ARHGAP32: variants seen among roughly 807,000 people sequenced by gnomAD.
ARHGAP32 encodes the protein Rho GTPase activating protein 32.
In ARHGAP32, 51 loss-of-function variants were observed where a neutral mutation model predicts 186.5. That is an observed-to-expected ratio of 0.27 (90% confidence interval 0.22 to 0.35). ARHGAP32 has a LOEUF of 0.35. Ranked by LOEUF, ARHGAP32 falls within the 10% of genes least tolerant of loss-of-function variation. The pLI is 1.00. For synonymous variants in ARHGAP32, 950 were observed against 964.3 expected (o/e 0.99, Z 0.27); for missense variants, 2,186 against 2,623.5 (o/e 0.83, Z 3.64).
At chr11:128,985,121 G>C (rs928787930) in intron 15 of ARHGAP32, among the ~76,000 whole-genome samples, 11 of 152,118 alleles carry the variant, frequency 7.2e-5, no homozygotes, top group Non-Finnish European at 1.3e-4. Flanking sequence ...CCAAGTTCAA[G>C]TGATTCTCCT....
chr11:129,086,125 C>T (rs1941385975), intron 6 of ARHGAP32, among the ~76,000 whole-genome samples: 1 of 151,572 alleles, frequency 6.6e-6, no homozygotes, highest in African/African-American at 2.4e-5. Flanking sequence ...CAGAAACAGA[C>T]CCATATAAAA....
intron 10 of ARHGAP32, among the ~76,000 whole-genome samples, chr11:129,055,162 T>G (rs1289896934): frequency 6.6e-6 from 1 of 152,228 alleles, no homozygotes; most frequent in East Asian, 1.9e-4. Flanking sequence ...AAAGAATTAC[T>G]GGTAACAAAA....
chr11:128,972,879 G>T lies in ARHGAP32; in HGVS notation c.3627C>A (p.Val1209=). The change falls in exon 22 of 23, where the codon GTC becomes GTA. Residue 1209 remains valine, a synonymous_variant. Coordinates refer to ENST00000682385, the MANE Select transcript of ARHGAP32 (RefSeq NM_001378024.1). The part of the protein sequence containing the change: ...DQSGKNSMPT[V]SFLDQDQSPP... Reference sequence around the variant, plus strand: ...GAGACTGGTCCTGATCCAAGAAGGAGACAGTTGGCATACTGTTCTTCCCAG... The same window carrying T: ...GAGACTGGTCCTGATCCAAGAAGGATACAGTTGGCATACTGTTCTTCCCAG... 6.2e-7 allele frequency: 1 copy of T among 1,613,996 alleles called. No homozygotes were observed. The highest frequency in any genetic ancestry group is 1.1e-5 in the South Asian group (1 of 91,070).
intron 2 of ARHGAP32, among the ~76,000 whole-genome samples, chr11:129,131,004 G>A (rs1031933548): frequency 2.0e-5 from 3 of 151,884 alleles, no homozygotes; most frequent in Non-Finnish European, 4.4e-5. Context: ...TTCTGTGATC[G>A]AAAAATAATT....
intron 10 of ARHGAP32, among the ~76,000 whole-genome samples, chr11:129,046,931 T>C (rs1468349352): frequency 6.6e-6 from 1 of 152,020 alleles, no homozygotes; most frequent in Non-Finnish European, 1.5e-5. Flanking sequence ...AAGACCATCC[T>C]GGCTAAAATG....
At chr11:129,241,567 C>G (rs1436537318) in intron 1 of ARHGAP32, among the ~76,000 whole-genome samples, 1 of 151,996 alleles carries the variant, frequency 6.6e-6, no homozygotes, top group African/African-American at 2.4e-5. Context: ...GTCACTTGAG[C>G]CCAGAAGGTC....
intron 5 of ARHGAP32, among the ~76,000 whole-genome samples, chr11:129,109,337 T>C (rs1353767444): frequency 6.6e-6 from 1 of 152,048 alleles, no homozygotes; most frequent in African/African-American, 2.4e-5. Context: ...ATATCTTTGT[T>C]ATTGGATTCC....
intron 12 of ARHGAP32, among the ~76,000 whole-genome samples, chr11:128,993,560 G>A (rs1259572220): frequency 6.6e-6 from 1 of 151,124 alleles, no homozygotes; most frequent in Non-Finnish European, 1.5e-5. Flanking sequence ...AATTATTTTA[G>A]AGTTTAAAAT....
chr11:129,076,778 C>A (rs911920174), intron 6 of ARHGAP32, among the ~76,000 whole-genome samples: 1 of 152,154 alleles, frequency 6.6e-6, no homozygotes, highest in Non-Finnish European at 1.5e-5. Context: ...AGATCCCACT[C>A]GGACAGACAG....
At chr11:129,223,991 T>G (rs558773497) in intron 1 of ARHGAP32, among the ~76,000 whole-genome samples, 1 of 152,216 alleles carries the variant, frequency 6.6e-6, no homozygotes, top group African/African-American at 2.4e-5. Context: ...AATTCACTTG[T>G]TGGCTTTCTT....
intron 10 of ARHGAP32, among the ~76,000 whole-genome samples, chr11:129,060,972 C>G (rs149272581): frequency 2.3e-3 from 347 of 152,006 alleles, no homozygotes; most frequent in African/African-American, 8.2e-3. Context: ...TTGCCCGAGA[C>G]AACACAGGAT....
chr11:129,271,580 AG>A (rs1461770498), intron 1 of ARHGAP32, among the ~76,000 whole-genome samples: 2 of 152,156 alleles, frequency 1.3e-5, no homozygotes, highest in African/African-American at 2.4e-5. Context: ...CTAGAGCGCA[AG>A]GGGGAAAAAA....
In ARHGAP32 at chr11:128,970,563, T is replaced by G; in HGVS notation, c.4650A>C (p.Thr1550=). Residue 1550 remains threonine (T), a synonymous_variant, in exon 23 of 23, where the codon ACA becomes ACC. Coordinates refer to ENST00000682385, the MANE Select transcript of ARHGAP32 (RefSeq NM_001378024.1). This position sits in a 1 kb window ranked among gnomAD's most constrained non-coding sequence, Gnocchi z 5.8. ...PPASMGLRYN[T]YVAPGRNASG... ...ATGCGTTTCTTCCTGGGGCCACATA[T>G]GTGTTATAACGAAGACCCATGGAGG... The G allele has an allele frequency of 6.2e-7, 1 of 1,614,126 alleles. No homozygotes were observed. Among genetic ancestry groups the G allele is most frequent in the South Asian group, 1.1e-5 (1 of 91,076 alleles).
chr11:128,981,392 T>C, intron 17 of ARHGAP32, 24 bp downstream of exon 17: 1 of 1,558,946 alleles, frequency 6.4e-7, no homozygotes, highest in Non-Finnish European at 8.7e-7. Flanking sequence ...ACCCTCCTGG[T>C]AGGAAGGGCC....
chr11:128,979,044 ATCCACCTTCC>A (rs1317228075), intron 18 of ARHGAP32, 129 bp from the exon 19 acceptor site: 12 of 773,440 alleles, frequency 1.6e-5, no homozygotes. Flanking sequence ...GTAAGCAAAC[ATCCACCTTCC>A]AGACAGCACA....
Position 129,164,403 on chromosome 11 carries a change from A to G in ARHGAP32, c.141T>C (p.Ser47=), listed in dbSNP as rs1819012984. The G allele has an allele frequency of 1.3e-6, 2 of 1,567,140 alleles. No homozygotes were observed. The highest frequency in any genetic ancestry group is 1.9e-5 in the Admixed American group (1 of 53,628). Residue 47 remains serine, a synonymous_variant, in exon 2 of 23, where the codon TCT becomes TCC. Coordinates refer to ENST00000682385, the MANE Select transcript of ARHGAP32 (RefSeq NM_001378024.1). The part of the protein sequence containing the change: ...KFRKMKSSVH[S]EEDDFVPELH... ...GCTCTGGAACAAAATCATCTTCTTC[A>G]GAATGTACTGAGGACTTCATCTTCC... is the stretch of plus-strand genomic sequence containing the variant.
intron 1 of ARHGAP32, among the ~76,000 whole-genome samples, chr11:129,204,369 G>A (rs1944491415): frequency 6.6e-6 from 1 of 152,048 alleles, no homozygotes. Flanking sequence ...GACAAGTCTG[G>A]GGAGAGGTCA....
At chr11:129,148,304 G>A (rs901811347) in intron 2 of ARHGAP32, among the ~76,000 whole-genome samples, 9 of 152,088 alleles carry the variant, frequency 5.9e-5, no homozygotes, top group African/African-American at 2.2e-4. Flanking sequence ...GTATGAGAGG[G>A]AGAAAACCTG....
At chr11:129,074,369 G>A (rs1216604067) in intron 6 of ARHGAP32, among the ~76,000 whole-genome samples, 1 of 151,990 alleles carries the variant, frequency 6.6e-6, no homozygotes, top group Admixed American at 6.6e-5. Context: ...AGGATAGAGA[G>A]GAATTACAAA....
Sources: allele counts gnomAD v4.1 joint callset (sites outside exome capture counted in the v4.1 genomes callset), GRCh38; gene constraint gnomAD v4.1.1; non-coding constraint Gnocchi (gnomAD v3.1); transcripts MANE v1.5; gene names NCBI Gene and HGNC (gene_info 2026-07-23, HGNC 2026-07-21).